The following TMCO5A variants were observed in gnomAD, a reference collection of about 807,000 sequenced individuals.
The protein encoded by TMCO5A is transmembrane and coiled-coil domains 5A.
TMCO5A carries 34 observed loss-of-function variants against 42.3 expected under a neutral mutation model. The observed-to-expected ratio is 0.80, with a 90% CI of 0.61 to 1.07. TMCO5A has a LOEUF of 1.07. Among genes scored for constraint, TMCO5A ranks in the 50% least tolerant of loss-of-function variants. TMCO5A has a pLI of 0.00. For synonymous variants in TMCO5A, 131 were observed against 115.6 expected (o/e 1.13, Z -0.86); for missense variants, 357 against 327.9 (o/e 1.09, Z -0.69).
chr15:37,981,819 G>C, the TMCO5A span, among the ~76,000 whole-genome samples: 2 of 152,196 alleles, frequency 1.3e-5, no homozygotes, highest in South Asian at 2.1e-4. Context: ...TGGCTGGCTT[G>C]CTTCTCCTGA....
the TMCO5A span, among the ~76,000 whole-genome samples, chr15:38,023,378 A>T: frequency 6.6e-6 from 1 of 152,160 alleles, no homozygotes; most frequent in African/African-American, 2.4e-5. Flanking sequence ...CTGGCCAGAC[A>T]TCTCTCTCTT....
At chr15:37,980,134 T>C in the TMCO5A span, among the ~76,000 whole-genome samples, 1 of 151,792 alleles carries the variant, frequency 6.6e-6, no homozygotes, top group African/African-American at 2.4e-5. Flanking sequence ...GGCCAGAGAG[T>C]TCAGGCGGTA....
chr15:37,986,144 C>T, the TMCO5A span, among the ~76,000 whole-genome samples: 2 of 152,110 alleles, frequency 1.3e-5, no homozygotes, highest in South Asian at 4.2e-4. Context: ...TTTTGAAGGG[C>T]AGTTAGTTCA....
chr15:37,962,193 A>T (rs933087453), intron 11 of TMCO5A, among the ~76,000 whole-genome samples: 2 of 152,086 alleles, frequency 1.3e-5, no homozygotes, highest in African/African-American at 4.8e-5. Flanking sequence ...GATGGCTTTT[A>T]TTACATTGAG....
chr15:38,022,057 G>A, the TMCO5A span, among the ~76,000 whole-genome samples: 2 of 152,074 alleles, frequency 1.3e-5, no homozygotes, highest in East Asian at 1.9e-4. Context: ...TGATCTACCC[G>A]TGTTGGCCTC....
the TMCO5A span, among the ~76,000 whole-genome samples, chr15:38,002,208 G>GTTT: frequency 0.058 from 8,435 of 145,114 alleles, 800 homozygotes; most frequent in African/African-American, 0.2. Flanking sequence ...AGGATAAAAG[G>GTTT]TTTTTTTTTT....
chr15:38,040,470 T>C, the TMCO5A span: 1 of 152,144 alleles, frequency 6.6e-6, no homozygotes, highest in Non-Finnish European at 1.5e-5. Context: ...GAAATAAAAA[T>C]ATATGTCCGT....
chr15:38,025,599 A>T, the TMCO5A span, among the ~76,000 whole-genome samples: 1 of 152,192 alleles, frequency 6.6e-6, no homozygotes, highest in Admixed American at 6.5e-5. Flanking sequence ...GATAAAATAC[A>T]TGTTTTTTTG....
chr15:37,951,458 G>GAT (rs2140288800), downstream of TMCO5A: 2 of 474,208 alleles, frequency 4.2e-6, no homozygotes, highest in South Asian at 8.5e-5. Flanking sequence ...AATAGTACTT[G>GAT]ATAGTAAACA....
the TMCO5A span, among the ~76,000 whole-genome samples, chr15:38,008,947 G>T: frequency 1.3e-5 from 2 of 152,282 alleles, no homozygotes; most frequent in Non-Finnish European, 2.9e-5. Flanking sequence ...TTAGGCCTCT[G>T]ATACCATTAC....
chr15:37,950,629 T>A (rs1890124814), intron 11 of TMCO5A, among the ~76,000 whole-genome samples: 1 of 152,188 alleles, frequency 6.6e-6, no homozygotes, highest in Non-Finnish European at 1.5e-5. Flanking sequence ...GAGATTATTT[T>A]ACATCCATTT....
downstream of TMCO5A, among the ~76,000 whole-genome samples, chr15:37,952,935 C>CAT (rs901316675): frequency 6.6e-6 from 1 of 152,194 alleles, no homozygotes; most frequent in African/African-American, 2.4e-5. Flanking sequence ...CAGTACTCCC[C>CAT]ATAGGCCTAT....
At chr15:38,015,001 T>C in the TMCO5A span, among the ~76,000 whole-genome samples, 3 of 150,358 alleles carry the variant, frequency 2.0e-5, no homozygotes, top group South Asian at 2.1e-4. Context: ...ACTAAAGAAC[T>C]TGGAGTCCGA....
the TMCO5A span, among the ~76,000 whole-genome samples, chr15:38,026,837 G>A: frequency 1.9e-4 from 29 of 152,208 alleles, no homozygotes; most frequent in African/African-American, 5.5e-4. Flanking sequence ...CATAGAGCTC[G>A]GACTGTGGCT....
At chr15:37,982,828 G>T in the TMCO5A span, among the ~76,000 whole-genome samples, 1 of 147,580 alleles carries the variant, frequency 6.8e-6, no homozygotes, top group Non-Finnish European at 1.5e-5. Flanking sequence ...ATATATGTGT[G>T]TGTATATATA....
At chr15:38,019,582 C>T in the TMCO5A span, among the ~76,000 whole-genome samples, 109 of 152,158 alleles carry the variant, frequency 7.2e-4, 2 homozygotes, top group Middle Eastern at 3.4e-3. Flanking sequence ...GTCAGCATCC[C>T]CCACTAGAGT....
At chr15:37,938,988 C>A (rs963085523) in intron 6 of TMCO5A, among the ~76,000 whole-genome samples, 1 of 152,070 alleles carries the variant, frequency 6.6e-6, no homozygotes, top group Non-Finnish European at 1.5e-5. Flanking sequence ...TATTTTTCTT[C>A]AGAGAGCAGA....
chr15:37,960,189 A>C (rs1196444618), intron 11 of TMCO5A, among the ~76,000 whole-genome samples: 1 of 150,012 alleles, frequency 6.7e-6, no homozygotes, highest in African/African-American at 2.5e-5. Context: ...ACCCCCTACC[A>C]CTCTTCCCCA....
chr15:38,035,026 C>A, the TMCO5A span, among the ~76,000 whole-genome samples: 2 of 152,162 alleles, frequency 1.3e-5, no homozygotes, highest in Non-Finnish European at 2.9e-5. Flanking sequence ...GTACACATCC[C>A]AAGGTGTGAG....
Sources: allele counts gnomAD v4.1 joint callset (sites outside exome capture counted in the v4.1 genomes callset), GRCh38; gene constraint gnomAD v4.1.1; transcripts MANE v1.5; gene names NCBI Gene and HGNC (gene_info 2026-07-23, HGNC 2026-07-21).